The following PVT1 variants were observed in gnomAD, a reference collection of about 807,000 sequenced individuals.
PVT1 encodes the protein CXCR4/PVT1 fusion.
At chr8:127,897,804 A>C (rs936025513) in intron 3 of PVT1, among the ~76,000 whole-genome samples, 1 of 149,900 alleles carries the variant, frequency 6.7e-6, no homozygotes, top group African/African-American at 2.5e-5. Context: ...ACCTGCGTGA[A>C]GAGAGAAAAG....
At chr8:128,012,388 A>G (rs1167936327) in intron 4 of PVT1, among the ~76,000 whole-genome samples, 4 of 152,180 alleles carry the variant, frequency 2.6e-5, no homozygotes, top group Non-Finnish European at 4.4e-5. Flanking sequence ...ATCAACATCA[A>G]TATCCCCTTT....
intron 3 of PVT1, among the ~76,000 whole-genome samples, chr8:127,975,348 G>C (rs957727062): frequency 1.3e-5 from 2 of 152,148 alleles, no homozygotes; most frequent in Non-Finnish European, 2.9e-5. Context: ...ATCATTCAAT[G>C]GATGCAGAAT....
chr8:127,810,983 C>T (rs1814587874), intron 2 of PVT1, among the ~76,000 whole-genome samples: 1 of 152,128 alleles, frequency 6.6e-6, no homozygotes, highest in Non-Finnish European at 1.5e-5. Flanking sequence ...GGGTTCCTGT[C>T]AGGGGTTCCA....
intron 4 of PVT1, among the ~76,000 whole-genome samples, chr8:128,006,948 G>C (rs7014626): frequency 0.66 from 100,828 of 152,076 alleles, 34,052 homozygotes; most frequent in African/African-American, 0.79. Flanking sequence ...ACTTTGCCTG[G>C]TCCAGCCCTG....
intron 3 of PVT1, among the ~76,000 whole-genome samples, chr8:127,958,341 G>C (rs1000292774): frequency 6.6e-6 from 1 of 152,052 alleles, no homozygotes; most frequent in Non-Finnish European, 1.5e-5. Flanking sequence ...CTGGGTTCAA[G>C]TGATTGTCCT....
intron 4 of PVT1, chr8:128,008,818 G>A (rs1447028936): frequency 6.8e-6 from 3 of 441,220 alleles, no homozygotes; most frequent in Non-Finnish European, 1.5e-5. Flanking sequence ...GGGGCTCCCT[G>A]CAGGTTGGGG....
chr8:127,817,126 G>T (rs980060283), intron 2 of PVT1, among the ~76,000 whole-genome samples: 2 of 151,626 alleles, frequency 1.3e-5, no homozygotes, highest in Non-Finnish European at 2.9e-5. Flanking sequence ...GATTTTCCTG[G>T]GATTGTAGAC....
chr8:127,882,828 T>G (rs1288612766), intron 2 of PVT1, among the ~76,000 whole-genome samples: 1 of 152,098 alleles, frequency 6.6e-6, no homozygotes, highest in Non-Finnish European at 1.5e-5. Context: ...AAAGAGAAAT[T>G]GAGGCACACT....
intron 5 of PVT1, among the ~76,000 whole-genome samples, chr8:128,072,673 A>G (rs940767912): frequency 6.6e-6 from 1 of 152,092 alleles, no homozygotes; most frequent in African/African-American, 2.4e-5. Flanking sequence ...ACCAAGCTAA[A>G]TGGACTGGAG....
chr8:128,079,675 G>GT (rs1202306064), intron 5 of PVT1, among the ~76,000 whole-genome samples: 1 of 151,942 alleles, frequency 6.6e-6, no homozygotes, highest in Non-Finnish European at 1.5e-5. Context: ...CCATAGTTTT[G>GT]TTTTTTTCAG....
intron 2 of PVT1, among the ~76,000 whole-genome samples, chr8:127,868,790 TATACATATA>T (rs1221212477): frequency 9.2e-6 from 1 of 109,166 alleles, no homozygotes; most frequent in Non-Finnish European, 1.7e-5. Flanking sequence ...TATATATATA[TATACATATA>T]TATGTACATA....
chr8:127,893,777 C>T (rs569278350), intron 3 of PVT1, among the ~76,000 whole-genome samples: 83 of 152,326 alleles, frequency 5.4e-4, no homozygotes, highest in South Asian at 4.8e-3. Flanking sequence ...GCTAATTTCT[C>T]TTCTCAGCCT....
At chr8:128,023,801 T>C (rs1817464273) in intron 4 of PVT1, among the ~76,000 whole-genome samples, 1 of 152,172 alleles carries the variant, frequency 6.6e-6, no homozygotes, top group African/African-American at 2.4e-5. Context: ...TACGGAGTAA[T>C]TTGGGTCCCT....
chr8:128,017,001 C>T (rs191192860), intron 4 of PVT1, among the ~76,000 whole-genome samples: 19 of 152,232 alleles, frequency 1.2e-4, no homozygotes, highest in Admixed American at 7.2e-4. Context: ...AACTGGGAAA[C>T]ACAGCAAGAC....
intron 2 of PVT1, among the ~76,000 whole-genome samples, chr8:127,806,941 T>G (rs575416458): frequency 6.6e-6 from 1 of 152,376 alleles, no homozygotes; most frequent in African/African-American, 2.4e-5. Context: ...TTATCTGTTC[T>G]CCATTTGAAG....
rs1554588311 is a variant in PVT1 at position 127,809,052 on chromosome 8, A to AAAAAAAAAAAAG, written n.372+12984_372+12985insAAAAAAAAGAAA. On this transcript the variant is annotated intron_variant and non_coding_transcript_variant, in intron 2 of 10. Coordinates refer to ENST00000651587, the Ensembl canonical transcript of PVT1. Reference sequence around the variant, plus strand: ...CTCAAAAAAAAAAAAAAAAAAAAAAAAAAGAAAGAAAAAAAAGAAAAAGAA... The same window carrying AAAAAAAAAAAAG: ...CTCAAAAAAAAAAAAAAAAAAAAAAAAAAAAAAAAAAGAAAGAAAGAAAAAAAAGAAAAAGAA... Among the ~76,000 whole-genome samples, 12 of 135,106 alleles carry AAAAAAAAAAAAG rather than the reference A, an allele frequency of 8.9e-5. 1 individual carries two copies. The highest frequency in any genetic ancestry group is 4.4e-4 in the East Asian group (2 of 4,572). 88.6% of individuals were successfully genotyped at this position (135,106 alleles called of 152,430 possible).
At chr8:127,901,417 A>C (rs868428540) in intron 3 of PVT1, among the ~76,000 whole-genome samples, 18 of 152,312 alleles carry the variant, frequency 1.2e-4, no homozygotes, top group Admixed American at 9.8e-4. Context: ...GCACAGGCAC[A>C]TTTTAGGAAA....
chr8:127,987,074 A>G (rs752886312), intron 3 of PVT1, among the ~76,000 whole-genome samples: 1 of 152,196 alleles, frequency 6.6e-6, no homozygotes, highest in Non-Finnish European at 1.5e-5. Flanking sequence ...TAAAATGGGA[A>G]GAAAGGTTAT....
chr8:127,821,748 C>G (rs1057238842), intron 2 of PVT1, among the ~76,000 whole-genome samples: 2 of 151,828 alleles, frequency 1.3e-5, no homozygotes, highest in African/African-American at 4.8e-5. Context: ...GGAGGCGGAG[C>G]TTGCAGTGAG....
Sources: gnomAD v4.1 joint callset for allele counts (sites outside exome capture counted in the v4.1 genomes callset) on GRCh38, gnomAD v4.1.1 for gene constraint, MANE v1.5 for transcripts, NCBI Gene and HGNC (gene_info 2026-07-23, HGNC 2026-07-21) for gene names.